Variants in DLD observed in about 807,000 individuals in gnomAD.
DLD encodes dihydrolipoamide dehydrogenase, also known as dihydrolipoyl dehydrogenase, mitochondrial.
In DLD, 36 loss-of-function variants were observed where a neutral mutation model predicts 62.2. The observed-to-expected ratio is 0.58, with a 90% CI of 0.44 to 0.76. DLD has a LOEUF of 0.76. Ranked by LOEUF, DLD falls within the 30% of genes least tolerant of loss-of-function variation. The pLI, the probability that DLD is intolerant of heterozygous loss-of-function variation, is 0.00. For missense variants in DLD, 541 were observed against 608.6 expected, an observed-to-expected ratio of 0.89 and a Z score of 1.17; for synonymous variants, 204 against 199.6, an observed-to-expected ratio of 1.02 and a Z score of -0.19.
At chr7:107,901,260 A>G (rs2031868786) in intron 2 of DLD, among the ~76,000 whole-genome samples, 1 of 152,152 alleles carries the variant, frequency 6.6e-6, no homozygotes, top group African/African-American at 2.4e-5. Flanking sequence ...AACATCAATC[A>G]TTGAAGGCAG....
At chr7:107,903,826 G>A in intron 5 of DLD, 1 of 295,460 alleles carries the variant, frequency 3.4e-6, no homozygotes, top group South Asian at 3.5e-5. Flanking sequence ...GCCTTTATGT[G>A]TTTTTGAAGA....
At chr7:107,906,880 C>G (rs1239833472) in intron 8 of DLD, among the ~76,000 whole-genome samples, 1 of 152,198 alleles carries the variant, frequency 6.6e-6, no homozygotes, top group Non-Finnish European at 1.5e-5. Flanking sequence ...CCACACATTT[C>G]CAATGACCTC....
chr7:107,908,029 CTT>C (rs1276292815), intron 8 of DLD, among the ~76,000 whole-genome samples: 1 of 152,208 alleles, frequency 6.6e-6, no homozygotes, highest in Non-Finnish European at 1.5e-5. Context: ...CTTTGAAACA[CTT>C]TGCCTAACTT....
chr7:107,906,901 A>G (rs2032021593), intron 8 of DLD, among the ~76,000 whole-genome samples: 1 of 152,174 alleles, frequency 6.6e-6, no homozygotes, highest in South Asian at 2.1e-4. Context: ...CCTCCATTTT[A>G]GAGTCACTGT....
chr7:107,898,206 T>G (rs1462085548), intron 2 of DLD, among the ~76,000 whole-genome samples: 2 of 151,836 alleles, frequency 1.3e-5, no homozygotes, highest in African/African-American at 4.8e-5. Context: ...TCACCTGTCA[T>G]TTGCCACTTT....
intron 2 of DLD, among the ~76,000 whole-genome samples, chr7:107,900,090 G>A (rs2031839423): frequency 6.6e-6 from 1 of 152,068 alleles, no homozygotes; most frequent in Non-Finnish European, 1.5e-5. Context: ...AATTTTTCAT[G>A]TATTGAAATG....
intron 2 of DLD, 36 bp downstream of exon 2, chr7:107,893,314 T>A: frequency 6.8e-7 from 1 of 1,469,544 alleles, no homozygotes; most frequent in Non-Finnish European, 9.5e-7. Flanking sequence ...TTCATCACAT[T>A]AGCTGACAGT....
intron 3 of DLD, 95 bp downstream of exon 3, chr7:107,901,912 T>C: frequency 1.0e-6 from 1 of 961,138 alleles, no homozygotes; most frequent in East Asian, 2.4e-5. Context: ...ACATGGTAAA[T>C]ACTTCCTTAA....
rs2032353413 is a variant in DLD, at chr7:107,919,344, T to TC, written c.*87dup. ...TTCCTGAACAGGATATTCTCACAGC[T>TC]CCAAGAATTTCTAGGACTGAATTAT... is the stretch of plus-strand genomic sequence containing the variant. On this transcript the variant is annotated 3_prime_UTR_variant, in exon 14 of 14. Coordinates refer to ENST00000205402, the MANE Select transcript of DLD (RefSeq NM_000108.5). 3.6e-6 allele frequency: 4 copies of TC among 1,107,224 alleles called. No individual in the cohort carries two copies. The highest frequency in any genetic ancestry group is 4.0e-6 in the Non-Finnish European group (3 of 749,674). 68.6% of individuals were successfully genotyped at this position (1,107,224 alleles called of 1,614,324 possible).
Position 107,892,531 on chromosome 7 carries a change from CTTTA to C in DLD, c.40-641_40-638del, listed in dbSNP as rs10680033. Among the ~76,000 whole-genome samples, 784 of 149,702 alleles carry C rather than the reference CTTTA, an allele frequency of 5.2e-3. 9 individuals carry two copies. Among genetic ancestry groups the C allele is most frequent in the African/African-American group, 0.017 (678 of 40,760 alleles). On this transcript the variant is annotated intron_variant, in intron 1 of 13. Transcript: ENST00000205402. ...AGTATTTAAGTTAGAACTTTCAGAG[CTTTA>C]TTTATTTATTTATTTATTTATTTAT... is the stretch of plus-strand genomic sequence containing the variant.
Position 107,891,231 on chromosome 7 carries a change from A to G in DLD, c.-20A>G, listed in dbSNP as rs557546398. On this transcript the variant is annotated 5_prime_UTR_variant, in exon 1 of 14. Transcript: ENST00000205402. ...CAGCGGAGGTGAAAGTATTGGCGGA[A>G]AGGAAAATACAGCGGAAAAATGCAG... 1.9e-6 allele frequency: 3 copies of G among 1,613,942 alleles called. No homozygotes were observed. The highest frequency in any genetic ancestry group is 1.3e-5 in the African/African-American group (1 of 74,946).
rs2116273921 is a variant in DLD, at chr7:107,917,933, T to A, written c.1246T>A (p.Tyr416Asn). 6.2e-7 allele frequency: 1 copy of A among 1,614,022 alleles called. No individual in the cohort carries two copies. The highest frequency in any genetic ancestry group is 1.7e-4 in the Middle Eastern group (1 of 6,060). ...TTTCTGACTGTCACAGGGTATTGAG[T>A]ACAAAGTTGGGAAATTCCCATTTGC... ...EEQLKEEGIE[Y>N]KVGKFPFAAN... The change falls in exon 12 of 14, where the codon TAC (tyrosine) becomes AAC (asparagine). Residue 416 changes from tyrosine to asparagine, a missense_variant. Physicochemically the swap from Tyr to Asn is moderately radical, Grantham distance 143. Coordinates refer to ENST00000205402, the MANE Select transcript of DLD (RefSeq NM_000108.5).
intron 8 of DLD, among the ~76,000 whole-genome samples, chr7:107,907,142 C>A (rs1040611226): frequency 6.6e-6 from 1 of 152,154 alleles, no homozygotes; most frequent in Non-Finnish European, 1.5e-5. Context: ...CACACTCTTA[C>A]AGATGTCCTT....
intron 11 of DLD, 74 bp downstream of exon 11, chr7:107,917,536 T>TAATGATAAAATGCTG: frequency 2.2e-6 from 3 of 1,367,104 alleles, no homozygotes; most frequent in Non-Finnish European, 2.1e-6. Context: ...AGAAACAGCA[T>TAATGATAAAATGCTG]TTTATCATTA....
In DLD at chr7:107,905,366, T is replaced by G. The variant is rs2116221274; in HGVS notation, c.444T>G (p.Val148=). 5 of 1,613,134 alleles carry G rather than the reference T, an allele frequency of 3.1e-6. No homozygotes were observed. The highest frequency in any genetic ancestry group is 4.2e-6 in the Non-Finnish European group (5 of 1,179,176). The change falls in exon 7 of 14, where the codon GTT becomes GTG. Residue 148 remains valine (V), a synonymous_variant. Transcript: ENST00000205402. ...IAHLFKQNKV[V]HVNGYGKITG... ...ATAAAGATTATTTTGTAAAGGTTGT[T>G]CATGTCAATGGATATGGAAAGATAA...
intron 2 of DLD, among the ~76,000 whole-genome samples, chr7:107,897,016 G>A (rs916963589): frequency 6.6e-6 from 1 of 152,026 alleles, no homozygotes; most frequent in Admixed American, 6.6e-5. Context: ...TGTATTTTTA[G>A]TAGAGATGGG....
intron 5 of DLD, 74 bp from the exon 6 acceptor site, chr7:107,904,884 T>G: frequency 9.4e-7 from 1 of 1,062,300 alleles, no homozygotes. Context: ...AATTTTCCAG[T>G]TGGTGAGTGA....
intron 2 of DLD, among the ~76,000 whole-genome samples, chr7:107,896,833 T>C (rs1357412977): frequency 6.7e-6 from 1 of 150,302 alleles, no homozygotes; most frequent in African/African-American, 2.5e-5. Flanking sequence ...TCTGGTTTTG[T>C]TTTTGTTTGT....
At position 107,920,990 on chromosome 7, in the gene DLD, T is replaced by G. The variant is rs2032397056; in HGVS notation, c.*1731T>G. The G allele has an allele frequency of 6.6e-6, 1 of 152,338 alleles. No individual in the cohort carries two copies. Among genetic ancestry groups the G allele is most frequent in the African/African-American group, 2.4e-5 (1 of 41,446 alleles). The allele number at this position is 152,338 out of a possible 1,614,324, so 9.4% of individuals were successfully genotyped here. A position where few individuals can be genotyped will look rare whatever the true frequency, so the allele number is the denominator to read the frequency against. The stretch of plus-strand genomic sequence containing the variant: ...TTTTTAAAAATTTGAAATCCCGGTA[T>G]CATGTGAAGTGCTGTTTATGTAAAT... On this transcript the variant is annotated 3_prime_UTR_variant, in exon 14 of 14. Coordinates refer to ENST00000205402, the MANE Select transcript of DLD (RefSeq NM_000108.5).
Sources: gnomAD v4.1 joint callset for allele counts (sites outside exome capture counted in the v4.1 genomes callset) on GRCh38, gnomAD v4.1.1 for gene constraint, MANE v1.5 for transcripts, NCBI Gene and HGNC (gene_info 2026-07-23, HGNC 2026-07-21) for gene names.